The following CEP162 variants were observed in gnomAD, a reference collection of about 807,000 sequenced individuals.
The protein encoded by CEP162 is centrosomal protein of 162 kDa.
A neutral mutation model predicts 169.2 loss-of-function variants in CEP162; 141 were observed. The observed-to-expected ratio is 0.83, with a 90% CI of 0.73 to 0.96. CEP162 has a LOEUF of 0.96. Among genes scored for constraint, CEP162 ranks in the 40% least tolerant of loss-of-function variants. The pLI is 0.00. For synonymous variants in CEP162, 540 were observed against 526.4 expected, an observed-to-expected ratio of 1.03 and a Z score of -0.35; for missense variants, 1,600 against 1,587.2, an observed-to-expected ratio of 1.01 and a Z score of -0.14.
intron 11 of CEP162, among the ~76,000 whole-genome samples, chr6:84,192,729 C>G (rs1009198120): frequency 2.0e-5 from 3 of 152,174 alleles, no homozygotes; most frequent in African/African-American, 7.2e-5. Flanking sequence ...GATCAAAGAC[C>G]TGACAATGTA....
chr6:84,182,372 C>CA (rs141900600), intron 13 of CEP162, among the ~76,000 whole-genome samples: 5,851 of 150,752 alleles, frequency 0.039, 197 homozygotes, highest in African/African-American at 0.096. Context: ...CCTTTCATGG[C>CA]AAAAAAAATA....
chr6:84,173,983 C>A, intron 16 of CEP162, 65 bp downstream of exon 16: 1 of 1,408,924 alleles, frequency 7.1e-7, no homozygotes, highest in Admixed American at 1.9e-5. Flanking sequence ...CTGTGCCTGG[C>A]CTGCCTTATT....
Position 84,210,170 on chromosome 6 carries a change from G to A in CEP162, c.571+2787C>T, listed in dbSNP as rs1324912330. On this transcript the variant is annotated intron_variant, in intron 6 of 26. Transcript: ENST00000403245. ...TAGATGTTACATATTCAAGTTACTG[G>A]GTTTCTATGATTCTCTATCCTTGTA... 2.6e-5 allele frequency among the ~76,000 whole-genome samples: 4 copies of A among 152,102 alleles called. No homozygotes were observed. In the East Asian group the frequency reaches 7.7e-4, roughly 29 times the overall value.
intron 9 of CEP162, among the ~76,000 whole-genome samples, chr6:84,197,117 C>T (rs1307591508): frequency 4.6e-5 from 7 of 151,778 alleles, no homozygotes; most frequent in Admixed American, 2.0e-4. Flanking sequence ...ATGGTAAAGA[C>T]CATAGTAGTA....
rs531194836 is a variant in CEP162 at position 84,170,010 on chromosome 6, T to A, written c.2280-577A>T. Among the ~76,000 whole-genome samples, 7 of 152,282 alleles carry A rather than the reference T, an allele frequency of 4.6e-5. No individual in the cohort carries two copies. The East Asian group carries it at 1.2e-3, about 25-fold the overall frequency. ...CTTCAATTTTGGATCCTGGGATAGA[T>A]CTTCTTTTAGAAGCCAAGTAGTACA... On this transcript the variant is annotated intron_variant, in intron 17 of 26. Transcript: ENST00000403245.
At chr6:84,138,558 T>C (rs2099515122) in intron 25 of CEP162, among the ~76,000 whole-genome samples, 1 of 152,188 alleles carries the variant, frequency 6.6e-6, no homozygotes, top group African/African-American at 2.4e-5. Context: ...AAGGTAGGTA[T>C]TCCAATTAAA....
At chr6:84,175,819 T>A (rs1241903100) in intron 13 of CEP162, among the ~76,000 whole-genome samples, 1 of 152,140 alleles carries the variant, frequency 6.6e-6, no homozygotes, top group African/African-American at 2.4e-5. Context: ...TATTATAGTA[T>A]CAATGGAATA....
At chr6:84,189,268 G>A (rs938358234) in intron 11 of CEP162, among the ~76,000 whole-genome samples, 1 of 152,186 alleles carries the variant, frequency 6.6e-6, no homozygotes, top group African/African-American at 2.4e-5. Context: ...CACTTTGGTG[G>A]TATTTGAGGA....
intron 11 of CEP162, 108 bp from the exon 12 acceptor site, chr6:84,186,731 G>C: frequency 1.1e-6 from 1 of 870,258 alleles, no homozygotes; most frequent in Non-Finnish European, 1.7e-6. Context: ...TATTTGAATT[G>C]TTAACTATTC....
At chr6:84,187,738 A>C (rs1259049533) in intron 11 of CEP162, among the ~76,000 whole-genome samples, 1 of 152,196 alleles carries the variant, frequency 6.6e-6, no homozygotes, top group Non-Finnish European at 1.5e-5. Context: ...ACATTGCTAA[A>C]CTGTCATCTA....
chr6:84,163,256 ACTGT>A lies in CEP162; in HGVS notation c.2396_2399del (p.Asp799ValfsTer9), dbSNP rs751294869. The A allele has an allele frequency of 2.5e-6, 4 of 1,607,000 alleles. No individual in the cohort carries two copies. The highest frequency in any genetic ancestry group is 2.2e-5 in the South Asian group (2 of 90,346). ...TCAGTCTTTTGATGTCTTCCAATAA[ACTGT>A]CTTTTTCTTTCTTGATATTCAAAAG... On this transcript the variant is annotated frameshift_variant, in exon 19 of 27. Coordinates refer to ENST00000403245, the MANE Select transcript of CEP162 (RefSeq NM_014895.4). LOFTEE classifies it high-confidence loss of function.
At chr6:84,151,051 AT>A (rs2129201233) in intron 23 of CEP162, among the ~76,000 whole-genome samples, 1 of 152,246 alleles carries the variant, frequency 6.6e-6, no homozygotes, top group African/African-American at 2.4e-5. Flanking sequence ...GTTCCACGAA[AT>A]GTTTTGTGAA....
intron 7 of CEP162, among the ~76,000 whole-genome samples, chr6:84,202,581 G>A (rs924014565): frequency 7.7e-5 from 10 of 129,674 alleles, no homozygotes; most frequent in Admixed American, 3.6e-4. Context: ...AGGCTGGAGT[G>A]CAGTGGCTCA....
At position 84,226,381 on chromosome 6, in the gene CEP162, A is replaced by G. The variant is rs926066003; in HGVS notation, c.13T>C (p.Ser5Pro). The change falls in exon 2 of 27, where the codon TCC (serine) becomes CCC (proline). Residue 5 changes from serine to proline, a missense_variant. Transcript: ENST00000403245. MANC[S>P]QEELDEEFEQ... ...AACTCTTCATCTAGCTCTTCTTGGG[A>G]ACAGTTAGCCATAGTCAACAATTTT... 4.5e-6 allele frequency: 7 copies of G among 1,569,386 alleles called. No homozygotes were observed. The highest frequency in any genetic ancestry group is 6.1e-6 in the Non-Finnish European group (7 of 1,154,452).
chr6:84,130,784 T>G (rs2099511028), intron 25 of CEP162, among the ~76,000 whole-genome samples: 1 of 152,212 alleles, frequency 6.6e-6, no homozygotes, highest in South Asian at 2.1e-4. Context: ...GTCTATTTTG[T>G]TGATCTTTTC....
intron 25 of CEP162, among the ~76,000 whole-genome samples, chr6:84,128,592 T>A (rs925704204): frequency 1.3e-5 from 2 of 152,112 alleles, no homozygotes; most frequent in Admixed American, 6.6e-5. Flanking sequence ...AATATCTTCA[T>A]CTAAAATGGG....
Position 84,215,309 on chromosome 6 carries a change from T to C in CEP162, c.476A>G (p.Asp159Gly), listed in dbSNP as rs965901076. Residue 159 changes from aspartate to glycine, a missense_variant, in exon 5 of 27, where the codon GAC (aspartate) becomes GGC (glycine). Physicochemically the swap from Asp to Gly is moderately conservative, Grantham distance 94. Coordinates refer to ENST00000403245, the MANE Select transcript of CEP162 (RefSeq NM_014895.4). ...SRLNKELDSNDSTHFKALHSN... is the reference protein window; with the variant it reads ...SRLNKELDSNGSTHFKALHSN... Reference sequence around the variant, plus strand: ...ATGTAAAGCTTTAAAATGTGTAGAGTCATTAGAATCCAATTCCTTATTTAA... The same window carrying C: ...ATGTAAAGCTTTAAAATGTGTAGAGCCATTAGAATCCAATTCCTTATTTAA... 5 of 1,590,470 alleles carry C rather than the reference T, an allele frequency of 3.1e-6. No individual in the cohort carries two copies. Among genetic ancestry groups the C allele is most frequent in the Admixed American group, 1.7e-5 (1 of 57,530 alleles).
intron 9 of CEP162, among the ~76,000 whole-genome samples, chr6:84,196,971 G>A (rs2099542427): frequency 6.6e-6 from 1 of 152,194 alleles, no homozygotes; most frequent in Non-Finnish European, 1.5e-5. Context: ...GAGGAAAAAG[G>A]TCTTGCTTGC....
chr6:84,210,342 A>G (rs1232362997), intron 6 of CEP162, among the ~76,000 whole-genome samples: 1 of 152,210 alleles, frequency 6.6e-6, no homozygotes, highest in African/African-American at 2.4e-5. Context: ...AATCTAGAGG[A>G]CTTTCTCCTC....
Sources: gnomAD v4.1 joint callset for allele counts (sites outside exome capture counted in the v4.1 genomes callset) on GRCh38, gnomAD v4.1.1 for gene constraint, MANE v1.5 for transcripts, NCBI Gene and HGNC (gene_info 2026-07-23, HGNC 2026-07-21) for gene names.